PDE3B: variants seen among roughly 807,000 people sequenced by gnomAD.
PDE3B encodes the protein cGMP-inhibited 3',5'-cyclic phosphodiesterase 3B.
Under a neutral mutation model 116.8 loss-of-function variants are expected in PDE3B, and 66 were observed. That is an observed-to-expected ratio of 0.56 (90% CI 0.46 to 0.69). PDE3B has a LOEUF of 0.69. PDE3B is among the 30% of genes least tolerant of loss of function. PDE3B has a pLI of 0.00. For missense variants in PDE3B, 1,384 were observed against 1,368.1 expected (o/e 1.01, Z -0.18); for synonymous variants, 595 against 533.6 (o/e 1.12, Z -1.59).
chr11:14,809,024 A>AAG (rs1491246205), intron 5 of PDE3B, among the ~76,000 whole-genome samples: 1 of 152,196 alleles, frequency 6.6e-6, no homozygotes, highest in Non-Finnish European at 1.5e-5. Flanking sequence ...ATAGAAACGC[A>AAG]AGAGTCCCAG....
intron 1 of PDE3B, among the ~76,000 whole-genome samples, chr11:14,681,904 CTT>C (rs1445911225): frequency 4.6e-5 from 7 of 152,112 alleles, no homozygotes; most frequent in Non-Finnish European, 1.0e-4. Context: ...CTACAAATAA[CTT>C]TTGACTCCCC....
chr11:14,845,429 C>T (rs550332284), intron 12 of PDE3B, among the ~76,000 whole-genome samples: 39 of 152,258 alleles, frequency 2.6e-4, no homozygotes, highest in Admixed American at 1.2e-3. Flanking sequence ...AAAAGCAGAA[C>T]GCCTCTCCTC....
Position 14,869,459 on chromosome 11 carries a change from A to G in PDE3B, c.3140-2A>G. ...AGAATATATTTATTTTAAATTTCAC[A>G]GAACCACCAAGAAGGAAAAGCAGAC... On this transcript the variant is annotated splice_acceptor_variant, in intron 15 of 15. Coordinates refer to ENST00000282096, the MANE Select transcript of PDE3B (RefSeq NM_000922.4). LOFTEE classifies it high-confidence loss of function. 6.2e-7 allele frequency: 1 copy of G among 1,607,342 alleles called. No individual in the cohort carries two copies. The highest frequency in any genetic ancestry group is 2.2e-5 in the East Asian group (1 of 44,856).
intron 1 of PDE3B, among the ~76,000 whole-genome samples, chr11:14,655,672 A>G (rs144241215): frequency 3.2e-4 from 48 of 152,292 alleles, no homozygotes; most frequent in African/African-American, 1.2e-3. Flanking sequence ...GCAAATAGTG[A>G]TCAGTTTTTC....
At chr11:14,891,636 A>C in the PDE3B span, 4 of 1,104,910 alleles carry the variant, frequency 3.6e-6, no homozygotes, top group Admixed American at 1.5e-4. Context: ...ACCTGAGGGC[A>C]TGCGTCCACC....
chr11:14,802,672 C>A (rs1389507471), intron 4 of PDE3B, among the ~76,000 whole-genome samples: 1 of 152,170 alleles, frequency 6.6e-6, no homozygotes. Flanking sequence ...CTTTTCCAGT[C>A]TTTGCCACCC....
intron 1 of PDE3B, among the ~76,000 whole-genome samples, chr11:14,654,483 A>G (rs1230201127): frequency 1.3e-5 from 2 of 152,154 alleles, no homozygotes; most frequent in African/African-American, 4.8e-5. Flanking sequence ...GCAAGCTAAA[A>G]CAATTTTAGA....
chr11:14,658,366 T>G (rs1344835200), intron 1 of PDE3B, among the ~76,000 whole-genome samples: 2 of 152,202 alleles, frequency 1.3e-5, no homozygotes, highest in Non-Finnish European at 2.9e-5. Context: ...CGCCTTTCTT[T>G]TTTTTTTGAG....
intron 1 of PDE3B, among the ~76,000 whole-genome samples, chr11:14,736,830 G>A (rs1036670989): frequency 3.9e-5 from 6 of 152,116 alleles, no homozygotes; most frequent in African/African-American, 1.4e-4. Flanking sequence ...TTAAAGGGGT[G>A]GGTTTTGATC....
intron 1 of PDE3B, among the ~76,000 whole-genome samples, chr11:14,682,694 T>G (rs914411799): frequency 2.0e-5 from 3 of 152,184 alleles, no homozygotes; most frequent in African/African-American, 7.2e-5. Context: ...TGATATATTC[T>G]TATACATTGC....
At chr11:14,723,598 TA>T (rs1306621120) in intron 1 of PDE3B, among the ~76,000 whole-genome samples, 2 of 150,292 alleles carry the variant, frequency 1.3e-5, no homozygotes, top group South Asian at 4.2e-4. Flanking sequence ...TACACAAATT[TA>T]AAAAAAAACC....
At chr11:14,801,097 C>T (rs1405472578) in intron 4 of PDE3B, among the ~76,000 whole-genome samples, 1 of 152,134 alleles carries the variant, frequency 6.6e-6, no homozygotes, top group East Asian at 1.9e-4. Flanking sequence ...TGGATTAGAA[C>T]ATGCTCCTTT....
chr11:14,781,317 G>T (rs989541344), intron 2 of PDE3B, among the ~76,000 whole-genome samples: 13 of 152,080 alleles, frequency 8.5e-5, no homozygotes, highest in African/African-American at 2.9e-4. Context: ...ATTTTATGAG[G>T]CCAGCAGCAT....
At chr11:14,799,437 G>A (rs975783689) in intron 4 of PDE3B, among the ~76,000 whole-genome samples, 1 of 152,156 alleles carries the variant, frequency 6.6e-6, no homozygotes, top group Admixed American at 6.5e-5. Flanking sequence ...TTCTGTAGAT[G>A]TCTCTTAGGT....
intron 2 of PDE3B, chr11:14,776,739 C>G (rs1857798812): frequency 6.6e-6 from 1 of 151,848 alleles, no homozygotes; most frequent in Non-Finnish European, 1.5e-5. Flanking sequence ...CAAACCACAG[C>G]CCACAAAAGT....
chr11:14,747,786 T>G (rs1856954330), intron 1 of PDE3B, among the ~76,000 whole-genome samples: 2 of 152,126 alleles, frequency 1.3e-5, no homozygotes, highest in African/African-American at 4.8e-5. Flanking sequence ...AATCAAATGA[T>G]TTGCAAAAAT....
At position 14,643,914 on chromosome 11, in the gene PDE3B, A is replaced by C; in HGVS notation, c.-162A>C. 2 of 1,067,956 alleles carry C rather than the reference A, an allele frequency of 1.9e-6. No homozygotes were observed. Among genetic ancestry groups the C allele is most frequent in the Non-Finnish European group, 2.5e-6 (2 of 806,524 alleles). 66.2% of individuals were successfully genotyped at this position (1,067,956 alleles called of 1,614,324 possible). A position where few individuals can be genotyped will look rare whatever the true frequency, so the allele number is the denominator to read the frequency against. ...CATGTCCCGGACTCCGCCGCTCCTC[A>C]GTCCGCGCGGTGGGGACCCCGGGCC... On this transcript the variant is annotated 5_prime_UTR_variant, in exon 1 of 16. Coordinates refer to ENST00000282096, the MANE Select transcript of PDE3B (RefSeq NM_000922.4).
At chr11:14,801,739 C>T (rs557470992) in intron 4 of PDE3B, among the ~76,000 whole-genome samples, 3 of 152,272 alleles carry the variant, frequency 2.0e-5, no homozygotes, top group African/African-American at 7.2e-5. Flanking sequence ...CCCGTAGCCA[C>T]CCCTTCCCCC....
chr11:14,820,232 C>CT (rs36115886), intron 7 of PDE3B, among the ~76,000 whole-genome samples: 52,307 of 140,696 alleles, frequency 0.37, 10,674 homozygotes, highest in South Asian at 0.48. Context: ...CCAACTCATT[C>CT]TTTTTTTTTT....
Sources: allele counts gnomAD v4.1 joint callset (sites outside exome capture counted in the v4.1 genomes callset), GRCh38; gene constraint gnomAD v4.1.1; transcripts MANE v1.5; gene names NCBI Gene and HGNC (gene_info 2026-07-23, HGNC 2026-07-21).